Variants in EIF4A2 observed in about 807,000 individuals in gnomAD.
EIF4A2 encodes the protein eukaryotic initiation factor 4A-II.
In EIF4A2, 9 loss-of-function variants were observed where a neutral mutation model predicts 50.6. That is an observed-to-expected ratio of 0.18 (90% CI 0.11 to 0.31). The LOEUF (loss-of-function observed/expected upper bound fraction) is 0.31. Among genes scored for constraint, EIF4A2 ranks in the 10% least tolerant of loss-of-function variants. The pLI is 1.00. For synonymous variants in EIF4A2, 215 were observed against 164.4 expected, an observed-to-expected ratio of 1.31 and a Z score of -2.35; for missense variants, 182 against 501.8, an observed-to-expected ratio of 0.36 and a Z score of 6.09.
chr3:186,789,224 T>C lies in EIF4A2; in HGVS notation c.1179T>C (p.Asn393=). The change falls in exon 11 of 11, where the codon AAT becomes AAC. Residue 393 remains asparagine, a synonymous_variant. Coordinates refer to ENST00000323963, the MANE Select transcript of EIF4A2 (RefSeq NM_001967.4). ...TTCGTGACATTGAGACTTTCTACAATACTACAGTGGAGGAGATGCCCATGA... is the reference window on the plus strand; with the variant it reads ...TTCGTGACATTGAGACTTTCTACAACACTACAGTGGAGGAGATGCCCATGA... The part of the protein sequence containing the change: ...RILRDIETFY[N]TTVEEMPMNV... 1.2e-5 allele frequency: 20 copies of C among 1,612,796 alleles called. No homozygotes were observed. The highest frequency in any genetic ancestry group is 1.6e-5 in the Non-Finnish European group (19 of 1,179,690).
chr3:186,784,234 T>TG (rs920384975), intron 1 of EIF4A2, 198 bp from the exon 2 acceptor site: 64 of 736,310 alleles, frequency 8.7e-5, no homozygotes, highest in Middle Eastern at 7.9e-4. Flanking sequence ...CGCTCGGGCC[T>TG]GGGGGGCTGC....
chr3:186,783,691 G>A (rs761889192), intron 1 of EIF4A2, 52 bp downstream of exon 1: 2 of 1,613,872 alleles, frequency 1.2e-6, no homozygotes, highest in Non-Finnish European at 1.7e-6. Context: ...TAGGGCGCCA[G>A]GGGAGATGAT....
At chr3:186,784,185 T>G (rs1721550531) in intron 1 of EIF4A2, 2 of 576,160 alleles carry the variant, frequency 3.5e-6, no homozygotes, top group African/African-American at 1.9e-5. Context: ...CGCTCCGAGC[T>G]CTCGCGAGAC....
At chr3:186,788,992 T>C in intron 10 of EIF4A2, 133 bp from the exon 11 acceptor site, 1 of 1,299,208 alleles carries the variant, frequency 7.7e-7, no homozygotes, top group Non-Finnish European at 1.0e-6. Flanking sequence ...CATTAGCAGC[T>C]AGTGCTCCAG....
rs370465371 is a variant in EIF4A2, at chr3:186,783,645, C to G, written c.29+6C>G. On this transcript the variant is annotated splice_donor_region_variant and intron_variant, in intron 1 of 10. Transcript: ENST00000323963. Reference sequence around the variant, plus strand: ...GGCTCCGCGGATTATAACAGGTATGCAGTCTGTTGGCGGTCGCGGTCTGTA... The same window carrying G: ...GGCTCCGCGGATTATAACAGGTATGGAGTCTGTTGGCGGTCGCGGTCTGTA... 11 of 1,614,000 alleles carry G rather than the reference C, an allele frequency of 6.8e-6. No individual in the cohort carries two copies. In the African/African-American group the frequency reaches 1.3e-4, roughly 20 times the overall value.
chr3:186,784,756 A>G, intron 3 of EIF4A2, 60 bp downstream of exon 3: 1 of 1,610,052 alleles, frequency 6.2e-7, no homozygotes, highest in South Asian at 1.1e-5. Context: ...ATAAAAGGGA[A>G]AGTAACCTCT....
chr3:186,784,506 T>G, intron 2 of EIF4A2, 29 bp downstream of exon 2: 1 of 1,614,156 alleles, frequency 6.2e-7, no homozygotes. Context: ...TCTTGAAGCT[T>G]TGGAAAGGTG....
rs1721566701 is a variant in EIF4A2, at chr3:186,784,367, A to T, written c.30-65A>T. On this transcript the variant is annotated intron_variant, in intron 1 of 10. Transcript: ENST00000323963. ...GTGCTGAGACGGGTTGCAAAGGGCT[A>T]TGCGCTTAAGGTGCAGTTGAGGTGG... 9 of 1,612,524 alleles carry T rather than the reference A, an allele frequency of 5.6e-6. No individual in the cohort carries two copies. The African/African-American group carries it at 1.1e-4, about 19-fold the overall frequency.
rs753529473 is a variant in EIF4A2 at position 186,789,370 on chromosome 3, C to T, written c.*101C>T. On this transcript the variant is annotated 3_prime_UTR_variant, in exon 11 of 11. Transcript: ENST00000323963. ...CTTTGGGAATATTTGAATCTTGTCT[C>T]AATGCTCATAACGGATCAGAAATAC... 138 of 1,474,290 alleles carry T rather than the reference C, an allele frequency of 9.4e-5. No homozygotes were observed. The highest frequency in any genetic ancestry group is 1.2e-4 in the Non-Finnish European group (129 of 1,098,054). 91.3% of individuals were successfully genotyped at this position (1,474,290 alleles called of 1,614,324 possible).
In EIF4A2 at chr3:186,784,679, T is replaced by C; in HGVS notation, c.191T>C (p.Ile64Thr). Residue 64 changes from isoleucine to threonine, a missense_variant, in exon 3 of 11, where the codon ATT (isoleucine) becomes ACT (threonine). By Grantham distance (89) the Ile-to-Thr change is moderately conservative (BLOSUM62 -1). Around this residue, in one of 7 missense-constraint regions of EIF4A2, gnomAD observed 113 missense variants for 357.3 expected, o/e 0.32. Coordinates refer to ENST00000323963, the MANE Select transcript of EIF4A2 (RefSeq NM_001967.4). ...EKPSAIQQRAIIPCIKGYDVI... is the reference protein window; with the variant it reads ...EKPSAIQQRATIPCIKGYDVI... ...CCTTCCGCTATTCAGCAGAGAGCTA[T>C]TATTCCCTGTATTAAAGGTAAAAGA... 3.1e-6 allele frequency: 5 copies of C among 1,614,124 alleles called. No homozygotes were observed. Among genetic ancestry groups the C allele is most frequent in the African/African-American group, 1.3e-5 (1 of 75,054 alleles).
rs1721808199 is a variant in EIF4A2, at chr3:186,787,475, TAAG to T, written c.910-19_910-17del. The stretch of plus-strand genomic sequence containing the variant: ...CCGACCTGACTGGTGATTCTTGAAT[TAAG>T]GTTTATTAATTTGCAGCATGGTGAC... On this transcript the variant is annotated splice_polypyrimidine_tract_variant and intron_variant, in intron 8 of 10. Transcript: ENST00000323963. 8 of 1,611,918 alleles carry T rather than the reference TAAG, an allele frequency of 5.0e-6. No individual in the cohort carries two copies. Among genetic ancestry groups the T allele is most frequent in the Non-Finnish European group, 6.8e-6 (8 of 1,178,802 alleles).
At position 186,789,152 on chromosome 3, in the gene EIF4A2, G is replaced by A. The variant is rs35354328; in HGVS notation, c.1107G>A (p.Arg369=). The A allele has an allele frequency of 6.2e-7, 1 of 1,613,656 alleles. No homozygotes were observed. The highest frequency in any genetic ancestry group is 8.5e-7 in the Non-Finnish European group (1 of 1,179,724). Residue 369 remains arginine, a synonymous_variant, in exon 11 of 11, where the codon AGG becomes AGA. Coordinates refer to ENST00000323963, the MANE Select transcript of EIF4A2 (RefSeq NM_001967.4). The part of the protein sequence containing the change: ...HRIGRGGRFG[R]KGVAINFVTE... The stretch of plus-strand genomic sequence containing the variant: ...TTGGCAGAGGGGGTCGATTTGGGAG[G>A]AAAGGTGTGGCTATAAACTTTGTTA...
chr3:186,784,816 T>C, intron 3 of EIF4A2, 120 bp downstream of exon 3: 1 of 1,600,140 alleles, frequency 6.2e-7, no homozygotes, highest in Non-Finnish European at 8.5e-7. Context: ...ATGGCAATCA[T>C]CTTTCGGGAC....
Position 186,789,351 on chromosome 3 carries a change from G to A in EIF4A2, c.*82G>A. 6.7e-7 allele frequency: 1 copy of A among 1,502,174 alleles called. No individual in the cohort carries two copies. The allele number at this position is 1,502,174 out of a possible 1,614,324, so 93.1% of individuals were successfully genotyped here. On this transcript the variant is annotated 3_prime_UTR_variant, in exon 11 of 11. Coordinates refer to ENST00000323963, the MANE Select transcript of EIF4A2 (RefSeq NM_001967.4). Reference sequence around the variant, plus strand: ...ACGTGCATTGTGCTTCTTTCTTTGGGAATATTTGAATCTTGTCTCAATGCT... The same window carrying A: ...ACGTGCATTGTGCTTCTTTCTTTGGAAATATTTGAATCTTGTCTCAATGCT...
intron 3 of EIF4A2, 118 bp downstream of exon 3, chr3:186,784,814 C>T (rs750580382): frequency 5.0e-6 from 8 of 1,598,802 alleles, no homozygotes; most frequent in Middle Eastern, 1.6e-4. Flanking sequence ...TGATGGCAAT[C>T]ATCTTTCGGG....
At chr3:186,785,552 A>G in intron 4 of EIF4A2, 1 of 316,400 alleles carries the variant, frequency 3.2e-6, no homozygotes, top group Non-Finnish European at 5.9e-6. Context: ...TCTGGGGGAA[A>G]AAAATCATTT....
At chr3:186,783,731 A>C (rs556136114) in intron 1 of EIF4A2, 92 bp downstream of exon 1, 2 of 1,591,918 alleles carry the variant, frequency 1.3e-6, no homozygotes, top group African/African-American at 2.7e-5. Context: ...AAAACTCTAA[A>C]TTAATGGACG....
chr3:186,784,225 G>T, intron 1 of EIF4A2: 1 of 669,972 alleles, frequency 1.5e-6, no homozygotes, highest in Admixed American at 3.1e-5. Context: ...ATCGCCATGC[G>T]CTCGGGCCTG....
rs1183841349 is a variant in EIF4A2 at position 186,787,786 on chromosome 3, A to C, written c.1000-17A>C. ...GTTTTTTTGAATCAATTTTTAAAAC[A>C]TGCCATTGTGTTTCAGGCTCGCGGG... is the stretch of plus-strand genomic sequence containing the variant. On this transcript the variant is annotated splice_polypyrimidine_tract_variant and intron_variant, in intron 9 of 10. Coordinates refer to ENST00000323963, the MANE Select transcript of EIF4A2 (RefSeq NM_001967.4). The C allele has an allele frequency of 6.2e-7, 1 of 1,614,024 alleles. No homozygotes were observed. Among genetic ancestry groups the C allele is most frequent in the Non-Finnish European group, 8.5e-7 (1 of 1,179,952 alleles).
Sources: allele counts gnomAD v4.1 joint callset, GRCh38; gene constraint gnomAD v4.1.1; regional missense constraint gnomAD v4.1.1; transcripts MANE v1.5; gene names NCBI Gene and HGNC (gene_info 2026-07-23, HGNC 2026-07-21).